Variants in MAP4 observed in about 807,000 individuals in gnomAD.
MAP4 encodes microtubule-associated protein 4.
MAP4 carries 76 observed loss-of-function variants against 170.2 expected under a neutral mutation model. The observed-to-expected ratio is 0.45, with a 90% CI of 0.37 to 0.54. The LOEUF is 0.54. Among genes scored for constraint, MAP4 ranks in the 20% least tolerant of loss-of-function variants. MAP4 has a pLI of 0.00. For missense variants in MAP4, 2,506 were observed against 2,748.0 expected (o/e 0.91, Z 1.97); for synonymous variants, 909 against 994.5 (o/e 0.91, Z 1.62).
At chr3:48,052,468 C>T (rs1417317409) in intron 1 of MAP4, among the ~76,000 whole-genome samples, 1 of 152,104 alleles carries the variant, frequency 6.6e-6, no homozygotes, top group Non-Finnish European at 1.5e-5. Flanking sequence ...GTGATCTACC[C>T]GCCTCAGCAT....
chr3:48,043,808 C>A (rs1168599786), intron 1 of MAP4, among the ~76,000 whole-genome samples: 1 of 152,032 alleles, frequency 6.6e-6, no homozygotes, highest in Non-Finnish European at 1.5e-5. Context: ...GCAAAGTGAT[C>A]ATAATAATTA....
At chr3:47,966,073 A>T (rs562723203) in intron 3 of MAP4, among the ~76,000 whole-genome samples, 1 of 151,452 alleles carries the variant, frequency 6.6e-6, no homozygotes, top group Non-Finnish European at 1.5e-5. Context: ...GTCCCAACTT[A>T]AAAAAAAGAG....
chr3:47,978,561 C>T (rs1368882298), intron 2 of MAP4, among the ~76,000 whole-genome samples: 1 of 152,146 alleles, frequency 6.6e-6, no homozygotes, highest in African/African-American at 2.4e-5. Context: ...AGGTGATTCA[C>T]CGCCTTGGCC....
intron 17 of MAP4, among the ~76,000 whole-genome samples, chr3:47,859,433 C>T (rs1384199539): frequency 2.6e-5 from 4 of 152,198 alleles, no homozygotes; most frequent in Non-Finnish European, 5.9e-5. Context: ...TATTTGCACC[C>T]ACAGCCCAAG....
chr3:48,086,969 A>AT (rs2100149373), intron 1 of MAP4, among the ~76,000 whole-genome samples: 1 of 152,188 alleles, frequency 6.6e-6, no homozygotes, highest in African/African-American at 2.4e-5. Flanking sequence ...GTTTGGTTGG[A>AT]TACCATTTTT....
intron 3 of MAP4, among the ~76,000 whole-genome samples, chr3:47,929,101 C>T (rs1036223084): frequency 1.3e-5 from 2 of 152,178 alleles, no homozygotes; most frequent in African/African-American, 4.8e-5. Flanking sequence ...CACCTGTAAT[C>T]CCAACACTTT....
intron 3 of MAP4, among the ~76,000 whole-genome samples, chr3:47,954,882 C>T (rs1262703006): frequency 6.6e-6 from 1 of 152,142 alleles, no homozygotes; most frequent in Non-Finnish European, 1.5e-5. Context: ...TGACTATTGG[C>T]AGAGCTCCCA....
At chr3:47,984,707 G>T (rs2100087549) in intron 2 of MAP4, among the ~76,000 whole-genome samples, 1 of 151,942 alleles carries the variant, frequency 6.6e-6, no homozygotes, top group South Asian at 2.1e-4. Flanking sequence ...AGGTGGCCAG[G>T]GGTGGTGGCT....
At chr3:47,882,572 A>T (rs1246970659) in intron 10 of MAP4, among the ~76,000 whole-genome samples, 7 of 152,110 alleles carry the variant, frequency 4.6e-5, no homozygotes, top group African/African-American at 1.4e-4. Context: ...TAGGTATTAC[A>T]ATATACATAC....
Position 47,909,669 on chromosome 3 carries a change from C to G in MAP4, c.4752G>C (p.Gln1584His). Reference sequence around the variant, plus strand: ...GGGCTCTGGCCTCTCCTGGTAGGCTCTGGTCTTCTACTGGCACTCCAGGAA... The same window carrying G: ...GGGCTCTGGCCTCTCCTGGTAGGCTGTGGTCTTCTACTGGCACTCCAGGAA... ...HLLPGVPVED[Q>H]SLPGEARALE... Residue 1584 changes from glutamine to histidine, a missense_variant, in exon 9 of 21, where the codon CAG becomes CAC. Gln to His is a conservative substitution (Grantham distance 24). This residue lies in a region of MAP4 where 2,008 missense variants were observed against 2,206.0 expected (regional missense o/e 0.91). Transcript: ENST00000683076. 1 of 1,613,986 alleles carries G rather than the reference C, an allele frequency of 6.2e-7. No individual in the cohort carries two copies. The highest frequency in any genetic ancestry group is 1.3e-5 in the African/African-American group (1 of 75,050).
chr3:47,931,493 G>A (rs985396605), intron 3 of MAP4, among the ~76,000 whole-genome samples: 4 of 151,438 alleles, frequency 2.6e-5, no homozygotes, highest in Non-Finnish European at 4.4e-5. Flanking sequence ...TTTTTTTGTT[G>A]TTGAGACAGG....
chr3:48,074,721 TGTGTG>T (rs1211104817), intron 1 of MAP4, among the ~76,000 whole-genome samples: 9 of 149,248 alleles, frequency 6.0e-5, no homozygotes, highest in African/African-American at 2.0e-4. Flanking sequence ...TGTGTGTGTG[TGTGTG>T]ATATGTCGGC....
chr3:47,909,583 GTC>G lies in MAP4; in HGVS notation c.4836_4837del (p.Glu1612AspfsTer2). The G allele has an allele frequency of 6.2e-7, 1 of 1,612,774 alleles. No homozygotes were observed. Among genetic ancestry groups the G allele is most frequent in the Non-Finnish European group, 8.5e-7 (1 of 1,179,862 alleles). On this transcript the variant is annotated frameshift_variant, in exon 9 of 21. Transcript: ENST00000683076. LOFTEE classifies it high-confidence loss of function. ...CTGAACTGCAACAGACCCTTCTTTA[GTC>G]TCTTTCTCTTCATTCACTGGATGTG...
intron 1 of MAP4, among the ~76,000 whole-genome samples, chr3:48,015,475 G>C (rs1229985666): frequency 6.6e-6 from 1 of 152,144 alleles, no homozygotes; most frequent in African/African-American, 2.4e-5. Context: ...GGCTTGAAAG[G>C]AACCCCACGT....
At chr3:47,904,514 G>T (rs1210626257) in intron 9 of MAP4, among the ~76,000 whole-genome samples, 2 of 152,048 alleles carry the variant, frequency 1.3e-5, no homozygotes, top group East Asian at 3.9e-4. Context: ...GTTTCACCAT[G>T]TTGGCCAGGC....
intron 10 of MAP4, among the ~76,000 whole-genome samples, chr3:47,902,737 T>C (rs1448675554): frequency 9.4e-6 from 1 of 106,242 alleles, no homozygotes; most frequent in Non-Finnish European, 2.0e-5. Context: ...GGGGTGAGAG[T>C]AATGAGGAAA....
At chr3:47,861,643 G>A (rs933506453) in intron 17 of MAP4, among the ~76,000 whole-genome samples, 2 of 151,358 alleles carry the variant, frequency 1.3e-5, no homozygotes, top group Admixed American at 6.6e-5. Context: ...GAGCCACCAC[G>A]CCCAGCCAAG....
At position 47,851,543 on chromosome 3, in the gene MAP4, C is replaced by T. The variant is rs1370578169; in HGVS notation, c.*1391G>A. On this transcript the variant is annotated 3_prime_UTR_variant, in exon 21 of 21. Coordinates refer to ENST00000683076, the MANE Select transcript of MAP4 (RefSeq NM_001385682.1). ...GAGAAGCCCTTGGAATCTCCCAGGCCATTTCACTACAAACTTATGTTTGAA... is the reference window on the plus strand; with the variant it reads ...GAGAAGCCCTTGGAATCTCCCAGGCTATTTCACTACAAACTTATGTTTGAA... The T allele has an allele frequency of 1.3e-5, 2 of 152,240 alleles. No homozygotes were observed. Among genetic ancestry groups the T allele is most frequent in the African/African-American group, 2.4e-5 (1 of 41,460 alleles). 9.4% of individuals were successfully genotyped at this position (152,240 alleles called of 1,614,324 possible).
intron 3 of MAP4, among the ~76,000 whole-genome samples, chr3:47,952,923 C>G (rs1302345185): frequency 2.6e-5 from 4 of 151,096 alleles, no homozygotes; most frequent in African/African-American, 9.7e-5. Flanking sequence ...GACTCCATCT[C>G]AAAAAATAAA....
Sources: gnomAD v4.1 joint callset for allele counts (sites outside exome capture counted in the v4.1 genomes callset) on GRCh38, gnomAD v4.1.1 for gene constraint, gnomAD v4.1.1 regional missense constraint, MANE v1.5 for transcripts, NCBI Gene and HGNC (gene_info 2026-07-23, HGNC 2026-07-21) for gene names.